Variants in ACAP3 observed in about 807,000 individuals in gnomAD.
The protein encoded by ACAP3 is arf-GAP with coiled-coil, ANK repeat and PH domain-containing protein 3.
A neutral mutation model predicts 104.1 loss-of-function variants in ACAP3; 56 were observed. That is an observed-to-expected ratio of 0.54 (90% CI 0.43 to 0.67). ACAP3 has a LOEUF of 0.67. ACAP3 is among the 30% of genes least tolerant of loss of function. The pLI is 0.00. For synonymous variants in ACAP3, 628 were observed against 496.2 expected (o/e 1.27, Z -3.53); for missense variants, 1,208 against 1,174.9 (o/e 1.03, Z -0.41).
chr1:1,303,338 C>A lies in ACAP3; in HGVS notation c.106-57G>T. 6.5e-7 allele frequency: 1 copy of A among 1,537,886 alleles called. No homozygotes were observed. On this transcript the variant is annotated intron_variant, in intron 2 of 23. Coordinates refer to ENST00000354700, the MANE Select transcript of ACAP3 (RefSeq NM_030649.3). The surrounding 1 kb of genome is among the most constrained non-coding windows in gnomAD (Gnocchi z 4.0). The stretch of plus-strand genomic sequence containing the variant: ...GGGCACTGGCGCCTGCACTCGCCAC[C>A]ACACACGGCCACTCAGAGGCAGGAA...
rs1181851828 is a variant in ACAP3 at position 1,307,058 on chromosome 1, AC to A, written c.47+710del. 8.2e-6 allele frequency: 6 copies of A among 730,122 alleles called. No individual in the cohort carries two copies. The African/African-American group carries it at 1.1e-4, about 13-fold the overall frequency. 45.2% of individuals were successfully genotyped at this position (730,122 alleles called of 1,614,324 possible). On this transcript the variant is annotated intron_variant, in intron 1 of 23. Transcript: ENST00000354700. ...GAGCTCGTGCAGAGGAGGGGGCCTC[AC>A]GCAGGTGCGCACTTGGGGATGCAGA...
chr1:1,303,855 C>T lies in ACAP3; in HGVS notation c.105+231G>A, dbSNP rs1392122479. The T allele has an allele frequency of 1.6e-6, 1 of 607,514 alleles. No individual in the cohort carries two copies. The highest frequency in any genetic ancestry group is 2.9e-6 in the Non-Finnish European group (1 of 346,818). The allele number at this position is 607,514 out of a possible 1,614,324, so 37.6% of individuals were successfully genotyped here. Reference sequence around the variant, plus strand: ...GCCACCGTGGGTCGGGGACTCACCACAGCCCAGCCCCTCCCAGATGGGACG... The same window carrying T: ...GCCACCGTGGGTCGGGGACTCACCATAGCCCAGCCCCTCCCAGATGGGACG... On this transcript the variant is annotated intron_variant, in intron 2 of 23. Transcript: ENST00000354700. The surrounding 1 kb of genome is among the most constrained non-coding windows in gnomAD (Gnocchi z 4.0).
At chr1:1,307,407 A>G (rs530076879) in intron 1 of ACAP3, 1 of 1,291,716 alleles carries the variant, frequency 7.7e-7, no homozygotes, top group Admixed American at 2.3e-5. Context: ...CAAGTCAGAG[A>G]CCAGGGGCCG....
Position 1,300,020 on chromosome 1 carries a change from T to C in ACAP3, c.616A>G (p.Ser206Gly). 1 of 1,612,488 alleles carries C rather than the reference T, an allele frequency of 6.2e-7. No individual in the cohort carries two copies. The highest frequency in any genetic ancestry group is 8.5e-7 in the Non-Finnish European group (1 of 1,179,828). ...AQSSFFQQGY[S>G]LLHQLDPYMK... ...TAGGGGTCCAGCTGGTGCAGGAGGC[T>C]GTAGCCCTGCTGGAAGAAGCTGGAC... is the stretch of plus-strand genomic sequence containing the variant. Residue 206 changes from serine (S) to glycine (G), a missense_variant, in exon 8 of 24, where the codon AGC (serine) becomes GGC (glycine). Ser to Gly is a moderately conservative substitution (Grantham distance 56). Transcript: ENST00000354700.
At position 1,296,806 on chromosome 1, in the gene ACAP3, AGCACACGCCC is replaced by A. The variant is rs201429614; in HGVS notation, c.1129-183_1129-174del. On this transcript the variant is annotated intron_variant, in intron 14 of 23. Transcript: ENST00000354700. ...ACGTGGGCAGATGGCCCCCCCCTCG[AGCACACGCCC>A]GCACACGCACACACGCGCACACCCT... Among the ~76,000 whole-genome samples, 1,148 of 140,850 alleles carry A rather than the reference AGCACACGCCC, an allele frequency of 8.2e-3. 7 individuals are homozygous for A. Among genetic ancestry groups the A allele is most frequent in the Non-Finnish European group, 0.013 (817 of 64,066 alleles). The allele number at this position is 140,850 out of a possible 152,430, so 92.4% of individuals were successfully genotyped here. A position where few individuals can be genotyped will look rare whatever the true frequency, so the allele number is the denominator to read the frequency against.
intron 20 of ACAP3, 38 bp from the exon 21 acceptor site, chr1:1,294,666 G>C: frequency 3.2e-6 from 5 of 1,540,322 alleles, no homozygotes; most frequent in Non-Finnish European, 4.4e-6. Context: ...CAACCCCCGG[G>C]GCTGCCCAGG....
At position 1,293,374 on chromosome 1, in the gene ACAP3, G is replaced by A. The variant is rs987701544; in HGVS notation, c.*190C>T. 10 of 471,674 alleles carry A rather than the reference G, an allele frequency of 2.1e-5. No individual in the cohort carries two copies. The South Asian group carries it at 6.8e-4, about 32-fold the overall frequency. The allele number at this position is 471,674 out of a possible 1,614,324, so 29.2% of individuals were successfully genotyped here. A position where few individuals can be genotyped will look rare whatever the true frequency, so the allele number is the denominator to read the frequency against. ...CAGCACCCCCCCAGGGAAACGTGAG[G>A]CTTCAAGAGACTCAGTGTGGGGCCC... On this transcript the variant is annotated 3_prime_UTR_variant, in exon 24 of 24. Coordinates refer to ENST00000354700, the MANE Select transcript of ACAP3 (RefSeq NM_030649.3).
Position 1,307,764 on chromosome 1 carries a change from C to A in ACAP3, c.47+5G>T. ...CGCCCACCCCGGCGGCCCCGGGCGG[C>A]GCACCTGAAGCGCGGGGAGTCCTTG... On this transcript the variant is annotated splice_donor_5th_base_variant and intron_variant, in intron 1 of 23. Coordinates refer to ENST00000354700, the MANE Select transcript of ACAP3 (RefSeq NM_030649.3). 9.1e-7 allele frequency: 1 copy of A among 1,099,618 alleles called. No homozygotes were observed. Among genetic ancestry groups the A allele is most frequent in the Non-Finnish European group, 1.1e-6 (1 of 903,620 alleles). 68.1% of individuals were successfully genotyped at this position (1,099,618 alleles called of 1,614,324 possible).
Position 1,295,438 on chromosome 1 carries a change from C to T in ACAP3, c.1813+9G>A. 6.2e-7 allele frequency: 1 copy of T among 1,612,024 alleles called. No homozygotes were observed. The highest frequency in any genetic ancestry group is 8.5e-7 in the Non-Finnish European group (1 of 1,179,530). The stretch of plus-strand genomic sequence containing the variant: ...CCCTGCCACCTGGCTGGGCCCACCC[C>T]ACACTTACTGCGAGGGCCAGCCCCT... On this transcript the variant is annotated intron_variant, in intron 19 of 23. Coordinates refer to ENST00000354700, the MANE Select transcript of ACAP3 (RefSeq NM_030649.3).
intron 21 of ACAP3, 72 bp from the exon 22 acceptor site, chr1:1,294,271 G>C: frequency 2.0e-6 from 3 of 1,517,124 alleles, no homozygotes; most frequent in Non-Finnish European, 2.7e-6. Flanking sequence ...CCTGACCCCG[G>C]CCTTGGGCGC....
At position 1,304,119 on chromosome 1, in the gene ACAP3, C is replaced by G. The variant is rs368663259; in HGVS notation, c.72G>C (p.Thr24=). The G allele has an allele frequency of 3.9e-6, 6 of 1,550,598 alleles. No homozygotes were observed. Among genetic ancestry groups the G allele is most frequent in the Non-Finnish European group, 5.2e-6 (6 of 1,146,894 alleles). The change falls in exon 2 of 24, where the codon ACG becomes ACC. Residue 24 remains threonine (T), a synonymous_variant. Transcript: ENST00000354700. ...RFRATIDEVE[T]DVVEIEAKLD... is the part of the protein sequence containing the mutation. ...GTTTGGCCTCAATCTCCACCACGTC[C>G]GTCTCCACCTCGTCAATGGTCGCCC...
chr1:1,295,807 G>A lies in ACAP3; in HGVS notation c.1634C>T (p.Pro545Leu). 6.2e-7 allele frequency: 1 copy of A among 1,610,144 alleles called. No homozygotes were observed. The highest frequency in any genetic ancestry group is 1.1e-5 in the South Asian group (1 of 91,074). ...VQKCLRPHSS[P>L]RAPTARRKVR... is the part of the protein sequence containing the mutation. Reference sequence around the variant, plus strand: ...CTTGCGGCGGGCAGTGGGAGCGCGGGGAGAGCTGTGGGGCCGCAGGCACTT... The same window carrying A: ...CTTGCGGCGGGCAGTGGGAGCGCGGAGAGAGCTGTGGGGCCGCAGGCACTT... The change falls in exon 18 of 24, where the codon CCC becomes CTC. Residue 545 changes from proline (P) to leucine (L), a missense_variant. Physicochemically the swap from Pro to Leu is moderately conservative, Grantham distance 98 (BLOSUM62 -3). Transcript: ENST00000354700.
At chr1:1,294,270 G>C (rs1353379889) in intron 21 of ACAP3, 71 bp from the exon 22 acceptor site, 1 of 1,517,574 alleles carries the variant, frequency 6.6e-7, no homozygotes, top group Non-Finnish European at 8.9e-7. Context: ...CCCTGACCCC[G>C]GCCTTGGGCG....
At position 1,300,826 on chromosome 1, in the gene ACAP3, C is replaced by T. The variant is rs1641410803; in HGVS notation, c.339-134G>A. The T allele has an allele frequency of 1.1e-5, 10 of 873,932 alleles. No individual in the cohort carries two copies. In the South Asian group the frequency reaches 1.7e-4, roughly 15 times the overall value. The allele number at this position is 873,932 out of a possible 1,614,324, so 54.1% of individuals were successfully genotyped here. On this transcript the variant is annotated intron_variant, in intron 5 of 23. Transcript: ENST00000354700. ...CGCTCTTGTCACCCAGGCTGGAGTG[C>T]AATGGTGCTGTCTCGGCTCACCGCA...
At chr1:1,306,785 TCAA>T (rs1205930036) in intron 1 of ACAP3, among the ~76,000 whole-genome samples, 2 of 152,226 alleles carry the variant, frequency 1.3e-5, no homozygotes, top group Admixed American at 6.5e-5. Flanking sequence ...CAGACACGCA[TCAA>T]CATGTGTACC....
Position 1,299,998 on chromosome 1 carries a change from G to A in ACAP3, c.638C>T (p.Pro213Leu), listed in dbSNP as rs1490240948. Residue 213 changes from proline (P) to leucine (L), a missense_variant, in exon 8 of 24, where the codon CCC (proline) becomes CTC (leucine). Coordinates refer to ENST00000354700, the MANE Select transcript of ACAP3 (RefSeq NM_030649.3). ...CTCGGCTGCCAGCTTCTTCATGTAG[G>A]GGTCCAGCTGGTGCAGGAGGCTGTA... The part of the protein sequence containing the change: ...QGYSLLHQLD[P>L]YMKKLAAELD... The A allele has an allele frequency of 6.2e-7, 1 of 1,611,734 alleles. No individual in the cohort carries two copies.
intron 12 of ACAP3, 24 bp from the exon 13 acceptor site, chr1:1,298,137 C>T: frequency 6.3e-7 from 1 of 1,589,282 alleles, no homozygotes; most frequent in Non-Finnish European, 8.6e-7. Flanking sequence ...CGCTGTGGCC[C>T]CTGCCCTCAG....
In ACAP3 at chr1:1,295,924, G is replaced by T. The variant is rs1641118742; in HGVS notation, c.1517C>A (p.Ala506Asp). 6.2e-7 allele frequency: 1 copy of T among 1,612,262 alleles called. No homozygotes were observed. The highest frequency in any genetic ancestry group is 1.3e-5 in the African/African-American group (1 of 74,912). The change falls in exon 18 of 24, where the codon GCC becomes GAC. Residue 506 changes from alanine to aspartate, a missense_variant. Coordinates refer to ENST00000354700, the MANE Select transcript of ACAP3 (RefSeq NM_030649.3). ...TASSSRQDKEAWIKDKYVEKK... is the reference protein window; with the variant it reads ...TASSSRQDKEDWIKDKYVEKK... Reference sequence around the variant, plus strand: ...TTCCACGTATTTGTCCTTGATCCAGGCCTCCTTGTCCTGCCTGGACCAGGG... The same window carrying T: ...TTCCACGTATTTGTCCTTGATCCAGTCCTCCTTGTCCTGCCTGGACCAGGG...
rs112699157 is a variant in ACAP3, at chr1:1,306,259, C to G, written c.47+1510G>C. Among the ~76,000 whole-genome samples, 345 of 152,172 alleles carry G rather than the reference C, an allele frequency of 2.3e-3. 3 individuals carry two copies. Among genetic ancestry groups the G allele is most frequent in the African/African-American group, 7.5e-3 (311 of 41,518 alleles). ...GCCCAGAGGTGAGTGGGTTCCAGCA[C>G]CCCCACACGACTGGAAGAGGGCAGT... On this transcript the variant is annotated intron_variant, in intron 1 of 23. Coordinates refer to ENST00000354700, the MANE Select transcript of ACAP3 (RefSeq NM_030649.3).
Sources: allele counts gnomAD v4.1 joint callset (sites outside exome capture counted in the v4.1 genomes callset), GRCh38; gene constraint gnomAD v4.1.1; non-coding constraint Gnocchi (gnomAD v3.1); transcripts MANE v1.5; gene names NCBI Gene and HGNC (gene_info 2026-07-23, HGNC 2026-07-21).